The following RBMS1 variants were observed in gnomAD, a reference collection of about 807,000 sequenced individuals.
RBMS1 encodes the protein RNA-binding motif, single-stranded-interacting protein 1.
In RBMS1, 17 loss-of-function variants were observed where a neutral mutation model predicts 62.3. The ratio of observed to expected loss-of-function variants is 0.27; its 90% CI spans 0.19 to 0.41. The LOEUF (loss-of-function observed/expected upper bound fraction) is 0.41, where lower values mean the gene tolerates loss of function less well. Among genes scored for constraint, RBMS1 ranks in the 10% least tolerant of loss-of-function variants. The probability of loss-of-function intolerance (pLI) is 1.00; values close to 1 mark genes in which losing one functional copy is unlikely to be tolerated. For synonymous variants in RBMS1, 172 were observed against 170.0 expected (o/e 1.01, Z -0.09); for missense variants, 334 against 504.5 (o/e 0.66, Z 3.24).
chr2:160,493,572 T>G lies in RBMS1; in HGVS notation c.-209A>C. The G allele has an allele frequency of 5.1e-4, 214 of 422,032 alleles. No individual in the cohort carries two copies. Among genetic ancestry groups the G allele is most frequent in the East Asian group, 9.1e-4 (23 of 25,276 alleles). 26.1% of individuals were successfully genotyped at this position (422,032 alleles called of 1,614,324 possible). ...CCTCCTCCTCCTCCTCCTCCTCCTC[T>G]TCCTCCTCCTCCTCCTCCTCCCAGG... On this transcript the variant is annotated 5_prime_UTR_variant, in exon 1 of 14. Coordinates refer to ENST00000348849, the MANE Select transcript of RBMS1 (RefSeq NM_016836.4).
rs776019772 is a variant in RBMS1 at position 160,430,036 on chromosome 2, G to A, written c.76-62645C>T. Among the ~76,000 whole-genome samples the A allele has an allele frequency of 1.6e-4, 25 of 152,352 alleles. 1 individual carries two copies. Among genetic ancestry groups the A allele is most frequent in the Admixed American group, 6.5e-4 (10 of 15,302 alleles). Reference sequence around the variant, plus strand: ...AAAGAGAGGCTGTACAGAATGAGAAGCTACACAGAGGAGAATGGAGGCACT... The same window carrying A: ...AAAGAGAGGCTGTACAGAATGAGAAACTACACAGAGGAGAATGGAGGCACT... On this transcript the variant is annotated intron_variant, in intron 1 of 13. Coordinates refer to ENST00000348849, the MANE Select transcript of RBMS1 (RefSeq NM_016836.4).
chr2:160,452,529 T>C (rs1370205130), intron 1 of RBMS1, among the ~76,000 whole-genome samples: 1 of 152,236 alleles, frequency 6.6e-6, no homozygotes, highest in Non-Finnish European at 1.5e-5. Flanking sequence ...GTTGTATTGT[T>C]ATTCATTGTT....
chr2:160,442,362 G>A (rs930700803), intron 1 of RBMS1, among the ~76,000 whole-genome samples: 1 of 151,992 alleles, frequency 6.6e-6, no homozygotes, highest in Non-Finnish European at 1.5e-5. Flanking sequence ...TTCCCAGAGA[G>A]ACTGCTTCTT....
intron 2 of RBMS1, among the ~76,000 whole-genome samples, chr2:160,329,335 G>T (rs1393238618): frequency 6.6e-6 from 1 of 152,166 alleles, no homozygotes; most frequent in East Asian, 1.9e-4. Context: ...CAGCAGAGTT[G>T]ACGTTTCTAA....
intron 1 of RBMS1, among the ~76,000 whole-genome samples, chr2:160,389,042 T>C (rs1367063873): frequency 6.6e-6 from 1 of 152,246 alleles, no homozygotes; most frequent in Non-Finnish European, 1.5e-5. Context: ...AGAAAACAGC[T>C]GTCCTGGTCA....
chr2:160,448,715 A>C (rs1476065352), intron 1 of RBMS1, among the ~76,000 whole-genome samples: 11 of 150,644 alleles, frequency 7.3e-5, no homozygotes, highest in Non-Finnish European at 1.6e-4. Flanking sequence ...CCGGCCGCCA[A>C]CCCGTCTGGG....
intron 1 of RBMS1, among the ~76,000 whole-genome samples, chr2:160,425,934 G>A (rs940672445): frequency 2.0e-5 from 3 of 152,010 alleles, no homozygotes; most frequent in Non-Finnish European, 4.4e-5. Flanking sequence ...GAAGTATCCT[G>A]CTAAACAAGC....
intron 4 of RBMS1, among the ~76,000 whole-genome samples, chr2:160,311,350 G>A (rs148761367): frequency 0.01 from 1,522 of 150,464 alleles, 18 homozygotes; most frequent in Middle Eastern, 0.024. Flanking sequence ...AAATGGCAAC[G>A]GCTACTTAGA....
intron 2 of RBMS1, among the ~76,000 whole-genome samples, chr2:160,340,986 AT>A (rs1367715379): frequency 6.6e-6 from 1 of 152,016 alleles, no homozygotes; most frequent in African/African-American, 2.4e-5. Context: ...CATTTTCCCC[AT>A]TTCTCCCCTT....
At chr2:160,348,641 C>A (rs558036513) in intron 2 of RBMS1, among the ~76,000 whole-genome samples, 12 of 152,184 alleles carry the variant, frequency 7.9e-5, no homozygotes, top group African/African-American at 2.4e-4. Flanking sequence ...CAGCATATGA[C>A]CTAGAGATGA....
At chr2:160,423,197 T>C (rs1278411097) in intron 1 of RBMS1, among the ~76,000 whole-genome samples, 1 of 152,124 alleles carries the variant, frequency 6.6e-6, no homozygotes, top group Non-Finnish European at 1.5e-5. Context: ...ATTGCTTGCT[T>C]TTCTTTTTCT....
At chr2:160,310,334 T>C (rs1689779860) in intron 4 of RBMS1, among the ~76,000 whole-genome samples, 1 of 152,222 alleles carries the variant, frequency 6.6e-6, no homozygotes, top group African/African-American at 2.4e-5. Flanking sequence ...TAGGCTGTGA[T>C]GTCTCTCAGC....
chr2:160,323,579 C>T lies in RBMS1; in HGVS notation c.252-5352G>A, dbSNP rs144847432. ...ACTCTAAGGACACTAAGAAAGTGCA[C>T]GACCAAACAGCATGATGTAGAATTT... On this transcript the variant is annotated intron_variant, in intron 2 of 13. Transcript: ENST00000348849. Among the ~76,000 whole-genome samples the T allele has an allele frequency of 1.4e-3, 202 of 140,008 alleles. No homozygotes were observed. The Middle Eastern group carries it at 0.016, about 11-fold the overall frequency. 91.9% of individuals were successfully genotyped at this position (140,008 alleles called of 152,430 possible). A position where few individuals can be genotyped will look rare whatever the true frequency, so the allele number is the denominator to read the frequency against.
intron 1 of RBMS1, among the ~76,000 whole-genome samples, chr2:160,397,715 G>A (rs1695223380): frequency 6.6e-6 from 1 of 152,094 alleles, no homozygotes; most frequent in Non-Finnish European, 1.5e-5. Flanking sequence ...ACTCCACTGA[G>A]ACTTCTGTTT....
chr2:160,488,596 G>T (rs1685693455), intron 1 of RBMS1, among the ~76,000 whole-genome samples: 1 of 152,042 alleles, frequency 6.6e-6, no homozygotes, highest in Non-Finnish European at 1.5e-5. Context: ...AAATAAAACA[G>T]CAGAGGAAAC....
intron 2 of RBMS1, among the ~76,000 whole-genome samples, chr2:160,360,267 TCTCTC>T (rs1483214777): frequency 1.3e-5 from 2 of 152,052 alleles, no homozygotes; most frequent in Non-Finnish European, 2.9e-5. Flanking sequence ...TCATGTGTGC[TCTCTC>T]CCAGTTAATG....
At chr2:160,333,848 C>G (rs1691419972) in intron 2 of RBMS1, among the ~76,000 whole-genome samples, 1 of 151,960 alleles carries the variant, frequency 6.6e-6, no homozygotes, top group African/African-American at 2.4e-5. Context: ...CAGGAGATAA[C>G]AAACCCGTTT....
intron 2 of RBMS1, 36 bp downstream of exon 2, chr2:160,367,179 CT>C (rs767941108): frequency 7.6e-6 from 12 of 1,586,022 alleles, no homozygotes; most frequent in Non-Finnish European, 1.0e-5. Flanking sequence ...CAAGAAAATA[CT>C]TAGCAGCTAA....
At chr2:160,388,069 C>T (rs1021696925) in intron 1 of RBMS1, among the ~76,000 whole-genome samples, 5 of 152,262 alleles carry the variant, frequency 3.3e-5, no homozygotes, top group Admixed American at 6.5e-5. Flanking sequence ...GCTTTTCTGA[C>T]GTCAATCCTA....
Sources: gnomAD v4.1 joint callset for allele counts (sites outside exome capture counted in the v4.1 genomes callset) on GRCh38, gnomAD v4.1.1 for gene constraint, MANE v1.5 for transcripts, NCBI Gene and HGNC (gene_info 2026-07-23, HGNC 2026-07-21) for gene names.